GPC2: variants seen among roughly 807,000 people sequenced by gnomAD.
GPC2 encodes glypican 2, also known as glypican-2.
In GPC2, 42 loss-of-function variants were observed where a neutral mutation model predicts 57.3. The ratio of observed to expected loss-of-function variants is 0.73; its 90% confidence interval spans 0.57 to 0.95. The LOEUF (loss-of-function observed/expected upper bound fraction) is 0.95. Among genes scored for constraint, GPC2 ranks in the 40% least tolerant of loss-of-function variants. The pLI is 0.00. For synonymous variants in GPC2, 364 were observed against 343.4 expected, an observed-to-expected ratio of 1.06 and a Z score of -0.66; for missense variants, 745 against 793.6, an observed-to-expected ratio of 0.94 and a Z score of 0.74.
chr7:100,172,167 G>C lies in GPC2; in HGVS notation c.943C>G (p.Leu315Val). The change falls in exon 6 of 10, where the codon CTG (leucine) becomes GTG (valine). Residue 315 changes from leucine (L) to valine (V), a missense_variant. This residue lies in a region of GPC2 where 607 missense variants were observed against 603.9 expected (regional missense o/e 1.01). Coordinates refer to ENST00000292377, the MANE Select transcript of GPC2 (RefSeq NM_152742.3). ...DKLQGPFSFELTAESIGVKIS... is the reference protein window; with the variant it reads ...DKLQGPFSFEVTAESIGVKIS... ...TTCACCCCAATGGACTCGGCCGTCA[G>C]CTCAAAGGAAAAGGGGCCCTGGAGC... The C allele has an allele frequency of 6.2e-7, 1 of 1,613,974 alleles. No homozygotes were observed. Among genetic ancestry groups the C allele is most frequent in the Non-Finnish European group, 8.5e-7 (1 of 1,179,984 alleles).
chr7:100,171,135 C>G lies in GPC2; in HGVS notation c.1486+126G>C, dbSNP rs1482520771. 1.2e-6 allele frequency: 1 copy of G among 855,802 alleles called. No individual in the cohort carries two copies. Among genetic ancestry groups the G allele is most frequent in the Non-Finnish European group, 1.7e-6 (1 of 587,906 alleles). The allele number at this position is 855,802 out of a possible 1,614,324, so 53.0% of individuals were successfully genotyped here. On this transcript the variant is annotated intron_variant, in intron 9 of 9. Transcript: ENST00000292377. The surrounding 1 kb of genome is among the most constrained non-coding windows in gnomAD (Gnocchi z 4.8). ...TTCAGGGCAACGCTCAATAAATGCTCGTTGAATGAATTAGTGAATTAATCA... is the reference window on the plus strand; with the variant it reads ...TTCAGGGCAACGCTCAATAAATGCTGGTTGAATGAATTAGTGAATTAATCA...
rs780792561 is a variant in GPC2, at chr7:100,177,134, G to A, written c.66C>T (p.Pro22=). ...TCCGGGTGACCTTTGCCTCGCTCCC[G>A]GGTCCGGGACCAGGACCGGGACACA... ...LPLCPGPGPG[P]GSEAKVTRSC... Residue 22 remains proline (P), a synonymous_variant, in exon 1 of 10, where the codon CCC becomes CCT. Coordinates refer to ENST00000292377, the MANE Select transcript of GPC2 (RefSeq NM_152742.3). The A allele has an allele frequency of 1.2e-6, 2 of 1,613,584 alleles. No homozygotes were observed. Among genetic ancestry groups the A allele is most frequent in the Non-Finnish European group, 1.7e-6 (2 of 1,179,804 alleles).
Position 100,175,437 on chromosome 7 carries a change from G to C in GPC2, c.648+135C>G, listed in dbSNP as rs1298989928. The C allele has an allele frequency of 4.3e-6, 3 of 690,600 alleles. No individual in the cohort carries two copies. The East Asian group carries it at 8.1e-5, about 19-fold the overall frequency. 42.8% of individuals were successfully genotyped at this position (690,600 alleles called of 1,614,324 possible). ...GCTCAGGATAGGGATCACCAGGTCAGAAATGGCTTCAATGCAGGATGGGGG... is the reference window on the plus strand; with the variant it reads ...GCTCAGGATAGGGATCACCAGGTCACAAATGGCTTCAATGCAGGATGGGGG... On this transcript the variant is annotated intron_variant, in intron 3 of 9. Transcript: ENST00000292377.
In GPC2 at chr7:100,171,730, T is replaced by TGGCCCGC; in HGVS notation, c.1170+48_1170+49insGCGGGCC. 1 of 1,423,664 alleles carries TGGCCCGC rather than the reference T, an allele frequency of 7.0e-7. No homozygotes were observed. The highest frequency in any genetic ancestry group is 9.4e-7 in the Non-Finnish European group (1 of 1,066,668). The allele number at this position is 1,423,664 out of a possible 1,614,324, so 88.2% of individuals were successfully genotyped here. The stretch of plus-strand genomic sequence containing the variant: ...AGCTGGAGCGCGACCCCCACAACCA[T>TGGCCCGC]CCCCGGCCCCGGGCCCCCCCGCCCC... On this transcript the variant is annotated intron_variant, in intron 7 of 9. Transcript: ENST00000292377. This position sits in a 1 kb window ranked among gnomAD's most constrained non-coding sequence, Gnocchi z 4.8.
At chr7:100,170,816 G>T (rs1799164162) in intron 9 of GPC2, among the ~76,000 whole-genome samples, 2 of 152,086 alleles carry the variant, frequency 1.3e-5, no homozygotes, top group Non-Finnish European at 2.9e-5. Context: ...GCCAGGAAGA[G>T]GGGTGCGGGA....
chr7:100,175,790 G>A lies in GPC2; in HGVS notation c.430C>T (p.Leu144=), dbSNP rs1239265496. The A allele has an allele frequency of 1.2e-6, 2 of 1,613,946 alleles. No homozygotes were observed. The highest frequency in any genetic ancestry group is 1.7e-6 in the Non-Finnish European group (2 of 1,180,012). ...YAQHALIFNG[L]FSRLRDFYGE... is the part of the protein sequence containing the mutation. Reference sequence around the variant, plus strand: ...TAGAAGTCTCGCAGCCGAGAGAACAGGCCATTGAATATGAGGGCGTGCTGG... The same window carrying A: ...TAGAAGTCTCGCAGCCGAGAGAACAAGCCATTGAATATGAGGGCGTGCTGG... Residue 144 remains leucine, a synonymous_variant, in exon 3 of 10, where the codon CTG becomes TTG. Coordinates refer to ENST00000292377, the MANE Select transcript of GPC2 (RefSeq NM_152742.3).
intron 2 of GPC2, 147 bp from the exon 3 acceptor site, chr7:100,176,041 G>T: frequency 1.2e-6 from 1 of 828,134 alleles, no homozygotes; most frequent in Non-Finnish European, 1.9e-6. Context: ...GGGGCAGACA[G>T]GGAATGGGGG....
chr7:100,175,974 G>T (rs113600696), intron 2 of GPC2, 80 bp from the exon 3 acceptor site: 6 of 1,159,622 alleles, frequency 5.2e-6, no homozygotes, highest in Non-Finnish European at 6.3e-6. Flanking sequence ...GAGGCAGGAG[G>T]AGATGGGAGA....
chr7:100,172,735 GTA>G (rs537898506), intron 5 of GPC2, among the ~76,000 whole-genome samples: 7 of 134,714 alleles, frequency 5.2e-5, no homozygotes, highest in African/African-American at 1.8e-4. Context: ...ATATATATGT[GTA>G]TATATATGTG....
At chr7:100,172,687 A>ATATATATATATGTGTGTGTGTG (rs1562957583) in intron 5 of GPC2, among the ~76,000 whole-genome samples, 1 of 146,380 alleles carries the variant, frequency 6.8e-6, no homozygotes, top group Non-Finnish European at 1.5e-5. Context: ...GTGTGTGTGT[A>ATATATATATATGTGTGTGTGTG]TATATATATA....
In GPC2 at chr7:100,170,508, C is replaced by T. The variant is rs571825486; in HGVS notation, c.1487-25G>A. On this transcript the variant is annotated intron_variant, in intron 9 of 9. Transcript: ENST00000292377. ...TCTGCAAGGAAGAAGAGGGACAGAG[C>T]AGGATGGGAGGGAGAAGCAGAGGGA... 114 of 1,467,580 alleles carry T rather than the reference C, an allele frequency of 7.8e-5. No homozygotes were observed. In the South Asian group the frequency reaches 1.6e-3, roughly 20 times the overall value. The allele number at this position is 1,467,580 out of a possible 1,614,324, so 90.9% of individuals were successfully genotyped here. A position where few individuals can be genotyped will look rare whatever the true frequency, so the allele number is the denominator to read the frequency against.
chr7:100,171,763 T>A lies in GPC2; in HGVS notation c.1170+16A>T, dbSNP rs765154411. On this transcript the variant is annotated intron_variant, in intron 7 of 9. Transcript: ENST00000292377. The surrounding 1 kb of genome is among the most constrained non-coding windows in gnomAD (Gnocchi z 4.8). Reference sequence around the variant, plus strand: ...CCCGGGCCCCCCCGCCCCCAACTCTTGGTCATCCCACGCACCAGCCGGTGC... The same window carrying A: ...CCCGGGCCCCCCCGCCCCCAACTCTAGGTCATCCCACGCACCAGCCGGTGC... 1.3e-6 allele frequency: 2 copies of A among 1,512,140 alleles called. No homozygotes were observed. Among genetic ancestry groups the A allele is most frequent in the Non-Finnish European group, 1.8e-6 (2 of 1,132,690 alleles). 93.7% of individuals were successfully genotyped at this position (1,512,140 alleles called of 1,614,324 possible).
chr7:100,172,028 C>T (rs1231174367), intron 6 of GPC2, 59 bp downstream of exon 6: 3 of 1,600,400 alleles, frequency 1.9e-6, no homozygotes, highest in African/African-American at 1.3e-5. Context: ...TATACTGCCT[C>T]TCTGACACCC....
Position 100,171,273 on chromosome 7 carries a change from C to A in GPC2, c.1474G>T (p.Gly492Trp), listed in dbSNP as rs1245826408. Residue 492 changes from glycine to tryptophan, a missense_variant, in exon 9 of 10, where the codon GGG becomes TGG. This residue lies in a region of GPC2 where 607 missense variants were observed against 603.9 expected (regional missense o/e 1.01). Coordinates refer to ENST00000292377, the MANE Select transcript of GPC2 (RefSeq NM_152742.3). The surrounding 1 kb of genome is among the most constrained non-coding windows in gnomAD (Gnocchi z 4.8). Reference sequence around the variant, plus strand: ...GCAGGGGTCTCACCCGCGTCCTGCCCGTCCAGGTCGTGTCCCAGTGCGGCC... The same window carrying A: ...GCAGGGGTCTCACCCGCGTCCTGCCAGTCCAGGTCGTGTCCCAGTGCGGCC... Reference protein sequence around the residue: ...KTAALGHDLDGQDADEDASGS... With the variant: ...KTAALGHDLDWQDADEDASGS... 14 of 1,534,422 alleles carry A rather than the reference C, an allele frequency of 9.1e-6. No individual in the cohort carries two copies. The highest frequency in any genetic ancestry group is 1.1e-5 in the Non-Finnish European group (13 of 1,139,472).
chr7:100,176,985 CG>C, intron 1 of GPC2, 48 bp downstream of exon 1: 1 of 432,530 alleles, frequency 2.3e-6, no homozygotes, highest in Non-Finnish European at 3.8e-6. Context: ...GAGGAGGCCC[CG>C]CCCCCGCCCC....
intron 1 of GPC2, 146 bp downstream of exon 1, chr7:100,176,888 A>G: frequency 1.6e-6 from 1 of 615,528 alleles, no homozygotes. Flanking sequence ...CCCGGTAAGG[A>G]AGTTACAGGA....
At position 100,171,531 on chromosome 7, in the gene GPC2, A is replaced by G. The variant is rs1799177165; in HGVS notation, c.1310+8T>C. 2.1e-6 allele frequency: 3 copies of G among 1,418,310 alleles called. No homozygotes were observed. The highest frequency in any genetic ancestry group is 2.7e-6 in the Non-Finnish European group (3 of 1,093,218). The allele number at this position is 1,418,310 out of a possible 1,614,324, so 87.9% of individuals were successfully genotyped here. ...CCCCTGCTGCCCCCCGACGCCCCCG[A>G]GGCTCACCGGCCCCGCCCGGCTCCG... On this transcript the variant is annotated splice_region_variant and intron_variant, in intron 8 of 9. Transcript: ENST00000292377. The surrounding 1 kb of genome is among the most constrained non-coding windows in gnomAD (Gnocchi z 4.8).
Position 100,171,500 on chromosome 7 carries a change from T to C in GPC2, c.1310+39A>G, listed in dbSNP as rs1320241491. On this transcript the variant is annotated intron_variant, in intron 8 of 9. Transcript: ENST00000292377. This position sits in a 1 kb window ranked among gnomAD's most constrained non-coding sequence, Gnocchi z 4.8. ...GCGGCCCCGCCCCTCCCGGCCGCGGTCCCGCCCCCTGCTGCCCCCCGACGC... is the reference window on the plus strand; with the variant it reads ...GCGGCCCCGCCCCTCCCGGCCGCGGCCCCGCCCCCTGCTGCCCCCCGACGC... The C allele has an allele frequency of 8.1e-6, 11 of 1,351,810 alleles. No homozygotes were observed. Among genetic ancestry groups the C allele is most frequent in the South Asian group, 5.5e-5 (3 of 54,544 alleles). 83.7% of individuals were successfully genotyped at this position (1,351,810 alleles called of 1,614,324 possible). A position where few individuals can be genotyped will look rare whatever the true frequency, so the allele number is the denominator to read the frequency against.
Position 100,171,571 on chromosome 7 carries a change from C to G in GPC2, c.1278G>C (p.Ala426=). 1 of 1,499,230 alleles carries G rather than the reference C, an allele frequency of 6.7e-7. No individual in the cohort carries two copies. Among genetic ancestry groups the G allele is most frequent in the Non-Finnish European group, 8.8e-7 (1 of 1,135,258 alleles). The allele number at this position is 1,499,230 out of a possible 1,614,324, so 92.9% of individuals were successfully genotyped here. ...SRMAADASLE[A]APCWTGAGRG... is the part of the protein sequence containing the mutation. ...GCCCGGCTCCGGTCCAGCAGGGCGC[C>G]GCCTCCAGCGAGGCGTCCGCTGCCA... is the stretch of plus-strand genomic sequence containing the variant. The change falls in exon 8 of 10, where the codon GCG becomes GCC. Residue 426 remains alanine, a synonymous_variant. Coordinates refer to ENST00000292377, the MANE Select transcript of GPC2 (RefSeq NM_152742.3). This position sits in a 1 kb window ranked among gnomAD's most constrained non-coding sequence, Gnocchi z 4.8.
Sources: gnomAD v4.1 joint callset for allele counts (sites outside exome capture counted in the v4.1 genomes callset) on GRCh38, gnomAD v4.1.1 for gene constraint, gnomAD v4.1.1 regional missense constraint, Gnocchi (gnomAD v3.1) non-coding constraint, MANE v1.5 for transcripts, NCBI Gene and HGNC (gene_info 2026-07-23, HGNC 2026-07-21) for gene names.